Variants in UBASH3B observed in about 807,000 individuals in gnomAD.
The protein encoded by UBASH3B is ubiquitin associated and SH3 domain containing B, also known as ubiquitin-associated and SH3 domain-containing protein B.
UBASH3B carries 37 observed loss-of-function variants against 83.4 expected under a neutral mutation model. The observed-to-expected ratio is 0.44, with a 90% CI of 0.34 to 0.58. UBASH3B has a LOEUF of 0.58. UBASH3B is among the 20% of genes least tolerant of loss of function. The probability of loss-of-function intolerance (pLI) is 0.01; values close to 1 mark genes in which losing one functional copy is unlikely to be tolerated. For missense variants in UBASH3B, 657 were observed against 827.2 expected (o/e 0.79, Z 2.52); for synonymous variants, 304 against 318.3 (o/e 0.96, Z 0.48).
intron 1 of UBASH3B, among the ~76,000 whole-genome samples, chr11:122,672,199 C>T (rs1591762484): frequency 6.6e-6 from 1 of 151,932 alleles, no homozygotes; most frequent in East Asian, 1.9e-4. Flanking sequence ...GAGCCCTCAA[C>T]CTCTTGAAGA....
At chr11:122,798,845 T>A in intron 9 of UBASH3B, 97 bp from the exon 10 acceptor site, 1 of 877,626 alleles carries the variant, frequency 1.1e-6, no homozygotes. Context: ...GAAAGAGGGG[T>A]TTACAGGAGC....
rs1861273510 is a variant in UBASH3B, at chr11:122,802,352, T to C, written c.1595+1020T>C. Among the ~76,000 whole-genome samples the C allele has an allele frequency of 2.0e-5, 3 of 147,276 alleles. No homozygotes were observed. The South Asian group carries it at 6.5e-4, about 32-fold the overall frequency. ...AAAAAAAAAAGAATTAATAATAATATAGTTACCTTAACTATCAAAAGTCTA... is the reference window on the plus strand; with the variant it reads ...AAAAAAAAAAGAATTAATAATAATACAGTTACCTTAACTATCAAAAGTCTA... On this transcript the variant is annotated intron_variant, in intron 11 of 13. Coordinates refer to ENST00000284273, the MANE Select transcript of UBASH3B (RefSeq NM_032873.5).
intron 1 of UBASH3B, among the ~76,000 whole-genome samples, chr11:122,663,881 A>G (rs1014253907): frequency 6.6e-6 from 1 of 152,240 alleles, no homozygotes; most frequent in Non-Finnish European, 1.5e-5. Flanking sequence ...AGACAATAAC[A>G]GCACTTGTCT....
intron 1 of UBASH3B, chr11:122,774,277 C>T: frequency 1.0e-6 from 1 of 985,438 alleles, no homozygotes; most frequent in Non-Finnish European, 1.2e-6. Context: ...AGTAGGCTTG[C>T]CTTTTACAGT....
intron 1 of UBASH3B, among the ~76,000 whole-genome samples, chr11:122,688,453 T>G (rs1863836623): frequency 7.1e-6 from 1 of 141,652 alleles, no homozygotes; most frequent in South Asian, 2.3e-4. Flanking sequence ...GGTTTGTTTG[T>G]TTTTTTTTTT....
intron 1 of UBASH3B, among the ~76,000 whole-genome samples, chr11:122,749,771 C>G (rs1199902665): frequency 1.3e-5 from 2 of 152,166 alleles, no homozygotes; most frequent in African/African-American, 4.8e-5. Context: ...CTCGCTCTGT[C>G]CCCCAGGCTG....
Position 122,809,815 on chromosome 11 carries a change from C to T in UBASH3B, c.1879C>T (p.Pro627Ser). The T allele has an allele frequency of 1.9e-6, 3 of 1,614,166 alleles. No homozygotes were observed. Among genetic ancestry groups the T allele is most frequent in the Admixed American group, 1.7e-5 (1 of 60,026 alleles). The change falls in exon 14 of 14, where the codon CCA (proline) becomes TCA (serine). Residue 627 changes from proline to serine, a missense_variant. By Grantham distance (74) the Pro-to-Ser change is moderately conservative (BLOSUM62 -1). This residue lies in a region of UBASH3B where 573 missense variants were observed against 739.0 expected (regional missense o/e 0.78). Coordinates refer to ENST00000284273, the MANE Select transcript of UBASH3B (RefSeq NM_032873.5). ...GETGIWQLTD[P>S]PILPLTHGPT... ...AACTGGAATATGGCAGCTGACAGAT[C>T]CACCAATCCTTCCTCTTACCCATGG...
intron 10 of UBASH3B, among the ~76,000 whole-genome samples, chr11:122,800,088 A>G (rs1861225448): frequency 6.6e-6 from 1 of 152,230 alleles, no homozygotes; most frequent in African/African-American, 2.4e-5. Flanking sequence ...ACACTACAGT[A>G]AAACAGAGGA....
rs76102106 is a variant in UBASH3B at position 122,783,289 on chromosome 11, G to C, written c.771+67G>C. On this transcript the variant is annotated intron_variant, in intron 5 of 13. Coordinates refer to ENST00000284273, the MANE Select transcript of UBASH3B (RefSeq NM_032873.5). ...ATGCAATCAGAATCAGCAGCTCGCT[G>C]CTGCAGGGAGATGGGTACCTACAGG... 4,450 of 1,557,140 alleles carry C rather than the reference G, an allele frequency of 2.9e-3. 103 individuals are homozygous for C. The African/African-American group carries it at 0.049, about 17-fold the overall frequency.
intron 1 of UBASH3B, 53 bp downstream of exon 1, chr11:122,656,263 C>T: frequency 7.5e-7 from 1 of 1,327,956 alleles, no homozygotes; most frequent in Non-Finnish European, 9.7e-7. Context: ...GCGCGGCCGG[C>T]CCTCGGCTTC....
chr11:122,690,193 T>TCCA (rs1401643880), intron 1 of UBASH3B, among the ~76,000 whole-genome samples: 8,119 of 39,576 alleles, frequency 0.21, 623 homozygotes, highest in East Asian at 0.38. Context: ...TATATATATA[T>TCCA]ATATATATAT....
chr11:122,676,200 C>T (rs1863665510), intron 1 of UBASH3B, among the ~76,000 whole-genome samples: 1 of 151,344 alleles, frequency 6.6e-6, no homozygotes, highest in Admixed American at 6.6e-5. Context: ...CCCAGGAGTT[C>T]GAGACCAGCC....
chr11:122,733,981 G>A (rs1860890250), intron 1 of UBASH3B, among the ~76,000 whole-genome samples: 1 of 152,096 alleles, frequency 6.6e-6, no homozygotes, highest in South Asian at 2.1e-4. Flanking sequence ...CGCCTCCTGT[G>A]TCCAAGCAAT....
intron 8 of UBASH3B, 101 bp downstream of exon 8, chr11:122,796,377 G>A: frequency 6.6e-7 from 1 of 1,522,062 alleles, no homozygotes; most frequent in Non-Finnish European, 8.9e-7. Flanking sequence ...TCATAGTTTT[G>A]CGTACTATAG....
chr11:122,678,898 G>A (rs981508578), intron 1 of UBASH3B, among the ~76,000 whole-genome samples: 2 of 152,156 alleles, frequency 1.3e-5, no homozygotes, highest in Admixed American at 1.3e-4. Flanking sequence ...ATTCATTTGT[G>A]CCATCCCAAA....
intron 1 of UBASH3B, among the ~76,000 whole-genome samples, chr11:122,718,655 A>G (rs1176908625): frequency 6.6e-6 from 1 of 152,218 alleles, no homozygotes; most frequent in African/African-American, 2.4e-5. Flanking sequence ...ATAGTATGGA[A>G]TAAAGAAAAG....
intron 1 of UBASH3B, among the ~76,000 whole-genome samples, chr11:122,695,709 C>T (rs1863957365): frequency 6.6e-6 from 1 of 152,184 alleles, no homozygotes; most frequent in Non-Finnish European, 1.5e-5. Context: ...TTCAGTTACA[C>T]AGTGCCTCAC....
At chr11:122,657,860 G>A (rs927107481) in intron 1 of UBASH3B, among the ~76,000 whole-genome samples, 3 of 152,086 alleles carry the variant, frequency 2.0e-5, no homozygotes, top group South Asian at 4.1e-4. Flanking sequence ...AGGTGAAGTC[G>A]TCGGTGTGGA....
chr11:122,692,609 T>C (rs531049224), intron 1 of UBASH3B, among the ~76,000 whole-genome samples: 3 of 152,302 alleles, frequency 2.0e-5, no homozygotes, highest in Admixed American at 1.3e-4. Context: ...TGGAAGACAG[T>C]TTGCATACTG....
Sources: gnomAD v4.1 joint callset for allele counts (sites outside exome capture counted in the v4.1 genomes callset) on GRCh38, gnomAD v4.1.1 for gene constraint, gnomAD v4.1.1 regional missense constraint, MANE v1.5 for transcripts, NCBI Gene and HGNC (gene_info 2026-07-23, HGNC 2026-07-21) for gene names.